CNTN5: variants seen among roughly 807,000 people sequenced by gnomAD.
The protein encoded by CNTN5 is contactin-5.
In CNTN5, 77 loss-of-function variants were observed where a neutral mutation model predicts 129.1. That is an observed-to-expected ratio of 0.60 (90% CI 0.50 to 0.72). The LOEUF (loss-of-function observed/expected upper bound fraction) is 0.72, where lower values mean the gene tolerates loss of function less well. Ranked by LOEUF, CNTN5 falls within the 30% of genes least tolerant of loss-of-function variation. The probability of loss-of-function intolerance (pLI) is 0.00; values close to 1 mark genes in which losing one functional copy is unlikely to be tolerated. For missense variants in CNTN5, 1,478 were observed against 1,328.8 expected, an observed-to-expected ratio of 1.11 and a Z score of -1.75; for synonymous variants, 509 against 465.6, an observed-to-expected ratio of 1.09 and a Z score of -1.20.
chr11:100,163,756 T>TTCTC (rs780625285), intron 13 of CNTN5, among the ~76,000 whole-genome samples: 1 of 151,816 alleles, frequency 6.6e-6, no homozygotes, highest in South Asian at 2.1e-4. Flanking sequence ...TGATTTAGTT[T>TTCTC]TCTCTGTTTT....
chr11:99,581,936 T>C (rs1239961683), intron 3 of CNTN5, among the ~76,000 whole-genome samples: 2 of 152,292 alleles, frequency 1.3e-5, no homozygotes, highest in East Asian at 3.9e-4. Flanking sequence ...GTCTTTACAA[T>C]TTGGCATGTT....
intron 6 of CNTN5, among the ~76,000 whole-genome samples, chr11:99,866,774 C>T (rs1316443481): frequency 2.6e-5 from 4 of 152,160 alleles, no homozygotes; most frequent in South Asian, 2.1e-4. Context: ...AGCCCATGGG[C>T]GCTAAGGTCA....
intron 6 of CNTN5, among the ~76,000 whole-genome samples, chr11:99,887,192 C>T (rs572435672): frequency 6.6e-6 from 1 of 152,282 alleles, no homozygotes; most frequent in South Asian, 2.1e-4. Flanking sequence ...TCTCATCCTG[C>T]TTTCCCTAAG....
At chr11:99,042,635 A>G (rs1864045751) in intron 1 of CNTN5, among the ~76,000 whole-genome samples, 1 of 151,806 alleles carries the variant, frequency 6.6e-6, no homozygotes, top group Admixed American at 6.6e-5. Flanking sequence ...TCGGCCTCTC[A>G]AATTGTTGGG....
At chr11:99,591,975 AAAC>A (rs1200358922) in intron 3 of CNTN5, among the ~76,000 whole-genome samples, 1 of 152,236 alleles carries the variant, frequency 6.6e-6, no homozygotes, top group Non-Finnish European at 1.5e-5. Context: ...TATGGAAAGA[AAAC>A]AAGGGCAATT....
chr11:100,267,765 C>T (rs540305662), intron 17 of CNTN5, among the ~76,000 whole-genome samples: 2 of 152,122 alleles, frequency 1.3e-5, no homozygotes, highest in Admixed American at 6.5e-5. Context: ...AATAAGACGT[C>T]GGAGGATTGC....
intron 3 of CNTN5, among the ~76,000 whole-genome samples, chr11:99,745,308 C>G (rs1437545222): frequency 6.6e-6 from 1 of 152,154 alleles, no homozygotes; most frequent in Non-Finnish European, 1.5e-5. Context: ...ACTGACTCTA[C>G]ACTTCTGTAA....
chr11:99,779,342 T>C (rs1239171635), intron 3 of CNTN5, among the ~76,000 whole-genome samples: 1 of 152,040 alleles, frequency 6.6e-6, no homozygotes. Flanking sequence ...GAATTTTTAA[T>C]GTATTTCAAG....
Position 99,328,208 on chromosome 11 carries a change from G to A in CNTN5, c.-71+2724G>A, listed in dbSNP as rs963122621. On this transcript the variant is annotated intron_variant, in intron 2 of 24. Transcript: ENST00000524871. ...GTGTAAATTAACAGTGCTACTACTT[G>A]CTAAAATGTTTACAGTGTGGCCAGA... Among the ~76,000 whole-genome samples, 7 of 152,166 alleles carry A rather than the reference G, an allele frequency of 4.6e-5. No individual in the cohort carries two copies. In the East Asian group the frequency reaches 5.8e-4, roughly 13 times the overall value.
At chr11:99,319,380 T>G (rs1034787352) in intron 1 of CNTN5, among the ~76,000 whole-genome samples, 1 of 152,196 alleles carries the variant, frequency 6.6e-6, no homozygotes, top group Non-Finnish European at 1.5e-5. Context: ...TTTCTTCAGG[T>G]GGAAGTCACC....
At chr11:99,870,388 A>G (rs1948471923) in intron 6 of CNTN5, among the ~76,000 whole-genome samples, 1 of 152,110 alleles carries the variant, frequency 6.6e-6, no homozygotes, top group Admixed American at 6.6e-5. Context: ...TTTGACAATA[A>G]TATAATATAA....
At chr11:100,334,931 A>C (rs1031602987) in intron 21 of CNTN5, among the ~76,000 whole-genome samples, 1 of 151,578 alleles carries the variant, frequency 6.6e-6, no homozygotes, top group African/African-American at 2.4e-5. Context: ...TGTTGAAATA[A>C]AAAAAATGGA....
At chr11:99,205,681 C>A (rs7931594) in intron 1 of CNTN5, among the ~76,000 whole-genome samples, 42 of 151,968 alleles carry the variant, frequency 2.8e-4, no homozygotes, top group Non-Finnish European at 5.1e-4. Context: ...CTCTTTCCCA[C>A]GCAAAAGGGT....
chr11:100,046,164 C>G (rs1043796568), intron 9 of CNTN5, among the ~76,000 whole-genome samples: 1 of 151,426 alleles, frequency 6.6e-6, no homozygotes, highest in Non-Finnish European at 1.5e-5. Context: ...GGAGGGATAG[C>G]TTTAGGAGAT....
chr11:100,309,466 G>A, intron 21 of CNTN5: 1 of 968,928 alleles, frequency 1.0e-6, no homozygotes, highest in Non-Finnish European at 1.2e-6. Flanking sequence ...ACAATTTATG[G>A]GAAACCATTA....
intron 1 of CNTN5, among the ~76,000 whole-genome samples, chr11:99,117,730 C>G (rs1225298486): frequency 6.6e-6 from 1 of 152,096 alleles, no homozygotes; most frequent in Non-Finnish European, 1.5e-5. Flanking sequence ...TAGTGTCCTT[C>G]TAGAAAGTGT....
intron 1 of CNTN5, among the ~76,000 whole-genome samples, chr11:99,078,622 C>CCTTT (rs1314679875): frequency 6.6e-6 from 1 of 152,146 alleles, no homozygotes; most frequent in African/African-American, 2.4e-5. Flanking sequence ...AAAAGGTTAA[C>CCTTT]ATTCTGTCAT....
intron 2 of CNTN5, among the ~76,000 whole-genome samples, chr11:99,414,502 T>C (rs1591646227): frequency 6.6e-6 from 1 of 152,000 alleles, no homozygotes; most frequent in Admixed American, 6.6e-5. Flanking sequence ...AGAATATATA[T>C]ATACATTCTT....
chr11:99,240,581 C>T (rs775633543), intron 1 of CNTN5, among the ~76,000 whole-genome samples: 4 of 151,420 alleles, frequency 2.6e-5, no homozygotes, highest in East Asian at 2.0e-4. Context: ...CATCTTCCTC[C>T]GCCTTTACCA....
Sources: gnomAD v4.1 joint callset for allele counts (sites outside exome capture counted in the v4.1 genomes callset) on GRCh38, gnomAD v4.1.1 for gene constraint, MANE v1.5 for transcripts, NCBI Gene and HGNC (gene_info 2026-07-23, HGNC 2026-07-21) for gene names.